Variants in ANTXR2 observed in about 807,000 individuals in gnomAD.
The protein encoded by ANTXR2 is anthrax toxin receptor 2.
A neutral mutation model predicts 73.7 loss-of-function variants in ANTXR2; 44 were observed. That is an observed-to-expected ratio of 0.60 (90% CI 0.47 to 0.77). ANTXR2 has a LOEUF of 0.77. Ranked by LOEUF, ANTXR2 falls within the 30% of genes least tolerant of loss-of-function variation. The pLI is 0.00. For missense variants in ANTXR2, 604 were observed against 592.5 expected (o/e 1.02, Z -0.20); for synonymous variants, 217 against 205.9 (o/e 1.05, Z -0.46).
chr4:80,047,425 A>C (rs1177141163), intron 7 of ANTXR2, among the ~76,000 whole-genome samples: 2 of 151,708 alleles, frequency 1.3e-5, no homozygotes, highest in East Asian at 3.9e-4. Flanking sequence ...AGCTGTCATC[A>C]CTACTGATTT....
At chr4:80,053,140 T>C (rs1560424975) in intron 7 of ANTXR2, among the ~76,000 whole-genome samples, 1 of 151,706 alleles carries the variant, frequency 6.6e-6, no homozygotes, top group East Asian at 1.9e-4. Flanking sequence ...ACATTGTCAG[T>C]ACTGTATCCT....
At chr4:79,989,649 T>A (rs1306635020) in intron 12 of ANTXR2, among the ~76,000 whole-genome samples, 2 of 152,092 alleles carry the variant, frequency 1.3e-5, no homozygotes, top group Non-Finnish European at 2.9e-5. Flanking sequence ...AGCATCATTC[T>A]GATAACAAAA....
intron 7 of ANTXR2, among the ~76,000 whole-genome samples, chr4:80,039,796 A>G (rs1305051291): frequency 6.6e-6 from 1 of 151,964 alleles, no homozygotes; most frequent in Non-Finnish European, 1.5e-5. Context: ...AAAGAAAATA[A>G]ATTCTTCCAC....
chr4:80,015,832 G>GGGAA (rs1222175111), intron 11 of ANTXR2, among the ~76,000 whole-genome samples: 2 of 143,018 alleles, frequency 1.4e-5, no homozygotes, highest in African/African-American at 5.3e-5. Context: ...GAGGGAGGGA[G>GGGAA]GGAAGGAAGG....
intron 12 of ANTXR2, among the ~76,000 whole-genome samples, chr4:80,005,963 C>A (rs1731282762): frequency 6.6e-6 from 1 of 152,128 alleles, no homozygotes; most frequent in Non-Finnish European, 1.5e-5. Context: ...ATTCACCTAG[C>A]ACAGTAGGTC....
intron 16 of ANTXR2, among the ~76,000 whole-genome samples, chr4:79,927,993 A>C (rs1351727741): frequency 6.6e-6 from 1 of 152,250 alleles, no homozygotes; most frequent in African/African-American, 2.4e-5. Context: ...TACATGATCC[A>C]GTAATCCCAC....
intron 12 of ANTXR2, among the ~76,000 whole-genome samples, chr4:79,992,576 C>T (rs904749643): frequency 6.6e-6 from 1 of 150,700 alleles, no homozygotes; most frequent in African/African-American, 2.4e-5. Flanking sequence ...TTATAATTAG[C>T]CCAGAAATAA....
chr4:79,946,033 T>G (rs935588243), intron 16 of ANTXR2, among the ~76,000 whole-genome samples: 2 of 152,168 alleles, frequency 1.3e-5, no homozygotes, highest in Admixed American at 1.3e-4. Context: ...TAACAAATAT[T>G]TATTAAAAAC....
At position 80,072,613 on chromosome 4, in the gene ANTXR2, G is replaced by A; in HGVS notation, c.-53C>T. 3.6e-6 allele frequency: 5 copies of A among 1,408,034 alleles called. No homozygotes were observed. Among genetic ancestry groups the A allele is most frequent in the Non-Finnish European group, 4.6e-6 (5 of 1,081,188 alleles). The allele number at this position is 1,408,034 out of a possible 1,614,324, so 87.2% of individuals were successfully genotyped here. ...CCCGCTCGCAGTCCCCTAAGCTCAG[G>A]AGGGTCGCAAAGGTGGCGGGAGTCA... On this transcript the variant is annotated 5_prime_UTR_variant, in exon 1 of 17. Coordinates refer to ENST00000403729, the MANE Select transcript of ANTXR2 (RefSeq NM_058172.6).
At chr4:79,956,520 G>C (rs954512310) in intron 16 of ANTXR2, among the ~76,000 whole-genome samples, 1 of 152,018 alleles carries the variant, frequency 6.6e-6, no homozygotes, top group Non-Finnish European at 1.5e-5. Context: ...ATCATCTCTA[G>C]ATCTCATATT....
intron 7 of ANTXR2, among the ~76,000 whole-genome samples, chr4:80,046,905 A>AT: frequency 6.6e-6 from 1 of 151,816 alleles, no homozygotes; most frequent in African/African-American, 2.4e-5. Context: ...GAAATTGTAC[A>AT]TTTTTCCTCA....
At chr4:79,959,870 G>A (rs1285496357) in intron 16 of ANTXR2, among the ~76,000 whole-genome samples, 1 of 152,184 alleles carries the variant, frequency 6.6e-6, no homozygotes, top group Non-Finnish European at 1.5e-5. Context: ...GATGTCTAAC[G>A]ACGTCTCTAA....
intron 7 of ANTXR2, among the ~76,000 whole-genome samples, chr4:80,047,478 T>A (rs931531978): frequency 6.6e-6 from 1 of 151,688 alleles, no homozygotes; most frequent in African/African-American, 2.4e-5. Context: ...TACACTTCTA[T>A]GAATAGTGCT....
At chr4:80,003,304 C>T (rs146738798) in intron 12 of ANTXR2, among the ~76,000 whole-genome samples, 13,567 of 148,950 alleles carry the variant, frequency 0.091, 687 homozygotes, top group Middle Eastern at 0.23. Flanking sequence ...AGTAAACTAT[C>T]GCAAGAACAA....
chr4:79,935,923 G>A (rs757727621), intron 16 of ANTXR2, among the ~76,000 whole-genome samples: 28 of 152,114 alleles, frequency 1.8e-4, no homozygotes, highest in Non-Finnish European at 4.0e-4. Context: ...GTGACACTTA[G>A]GCTAATGTAC....
chr4:79,950,697 C>T (rs764033219), intron 16 of ANTXR2, among the ~76,000 whole-genome samples: 21 of 152,112 alleles, frequency 1.4e-4, no homozygotes, highest in Non-Finnish European at 2.6e-4. Flanking sequence ...TAAAGTAGAC[C>T]AGACTGTTCC....
At chr4:80,055,793 A>C in intron 4 of ANTXR2, 139 bp downstream of exon 4, 1 of 668,552 alleles carries the variant, frequency 1.5e-6, no homozygotes, top group South Asian at 2.3e-5. Flanking sequence ...TACTTGTCTC[A>C]ACTCTGGAAC....
chr4:79,919,868 TATATATA>T (rs1727509328), intron 16 of ANTXR2, among the ~76,000 whole-genome samples: 4 of 2,114 alleles, frequency 1.9e-3, no homozygotes, highest in African/African-American at 4.4e-3. Flanking sequence ...ACATATTTTA[TATATATA>T]TATATATATA....
At chr4:79,981,057 A>G (rs1405993417) in intron 14 of ANTXR2, among the ~76,000 whole-genome samples, 1 of 152,132 alleles carries the variant, frequency 6.6e-6, no homozygotes, top group Non-Finnish European at 1.5e-5. Context: ...GCTTGAGCTC[A>G]GGGGTTCAAG....
Sources: allele counts gnomAD v4.1 joint callset (sites outside exome capture counted in the v4.1 genomes callset), GRCh38; gene constraint gnomAD v4.1.1; transcripts MANE v1.5; gene names NCBI Gene and HGNC (gene_info 2026-07-23, HGNC 2026-07-21).